Variants in SYTL2 observed in about 807,000 individuals in gnomAD.
SYTL2 encodes synaptotagmin-like protein 2.
SYTL2 carries 165 observed loss-of-function variants against 198.7 expected under a neutral mutation model. The ratio of observed to expected loss-of-function variants is 0.83; its 90% CI spans 0.73 to 0.94. The LOEUF is 0.94. Among genes scored for constraint, SYTL2 ranks in the 40% least tolerant of loss-of-function variants. The probability of loss-of-function intolerance (pLI) is 0.00; values close to 1 mark genes in which losing one functional copy is unlikely to be tolerated. For missense variants in SYTL2, 2,835 were observed against 2,582.8 expected, an observed-to-expected ratio of 1.10 and a Z score of -2.12; for synonymous variants, 966 against 917.7, an observed-to-expected ratio of 1.05 and a Z score of -0.95.
the SYTL2 span, among the ~76,000 whole-genome samples, chr11:85,832,677 C>A: frequency 6.6e-6 from 1 of 151,984 alleles, no homozygotes; most frequent in Non-Finnish European, 1.5e-5. Flanking sequence ...CAAGCTGAGA[C>A]CAGACAAATG....
chr11:85,743,890 C>T (rs1277388207), intron 4 of SYTL2, among the ~76,000 whole-genome samples: 1 of 152,036 alleles, frequency 6.6e-6, no homozygotes, highest in Non-Finnish European at 1.5e-5. Flanking sequence ...GGCACCTGCT[C>T]CCTCCTCCCT....
rs781706003 is a variant in SYTL2, at chr11:85,725,587, G to C, written c.3771C>G (p.His1257Gln). The C allele has an allele frequency of 4.3e-6, 7 of 1,613,934 alleles. No homozygotes were observed. In the African/African-American group the frequency reaches 6.7e-5, roughly 15 times the overall value. The part of the protein sequence containing the change: ...RFFGKGIEQS[H>Q]NTSADKREIL... ...TTTCTCTCTTATCAGCTGAAGTATT[G>C]TGACTCTGTTCTATCCCTTTTCCAA... Residue 1257 changes from histidine to glutamine, a missense_variant, in exon 8 of 20, where the codon CAC (histidine) becomes CAG (glutamine). Physicochemically the swap from His to Gln is conservative, Grantham distance 24. Transcript: ENST00000359152.
chr11:85,747,208 A>G (rs574915017), intron 3 of SYTL2, among the ~76,000 whole-genome samples: 3 of 152,070 alleles, frequency 2.0e-5, no homozygotes, highest in African/African-American at 7.2e-5. Context: ...TAATCGCAGC[A>G]CTTTGGGAGG....
At chr11:85,801,467 G>A (rs563552591) in intron 1 of SYTL2, among the ~76,000 whole-genome samples, 7 of 152,208 alleles carry the variant, frequency 4.6e-5, no homozygotes, top group Admixed American at 4.6e-4. Context: ...AACACATTAT[G>A]TACTCTCCTA....
chr11:85,720,165 GT>G (rs1288515567), intron 9 of SYTL2, among the ~76,000 whole-genome samples: 1 of 152,168 alleles, frequency 6.6e-6, no homozygotes, highest in East Asian at 1.9e-4. Flanking sequence ...ATGTTAAGTA[GT>G]TTTGGGCTTA....
At chr11:85,817,061 C>T in the SYTL2 span, among the ~76,000 whole-genome samples, 1 of 152,150 alleles carries the variant, frequency 6.6e-6, no homozygotes, top group Non-Finnish European at 1.5e-5. Flanking sequence ...TCTGCACCTA[C>T]TGCAGAAGAG....
intron 13 of SYTL2, among the ~76,000 whole-genome samples, chr11:85,710,302 T>C (rs1277642309): frequency 6.6e-6 from 1 of 152,056 alleles, no homozygotes; most frequent in African/African-American, 2.4e-5. Context: ...GGGTAGAAAA[T>C]GGATGATTGA....
chr11:85,736,468 TA>T, intron 6 of SYTL2, 32 bp downstream of exon 6: 3 of 1,170,690 alleles, frequency 2.6e-6, no homozygotes, highest in Non-Finnish European at 2.5e-6. Flanking sequence ...ATAACAAAGA[TA>T]AAAAAATCAA....
At chr11:85,849,920 C>A in the SYTL2 span, among the ~76,000 whole-genome samples, 11 of 144,432 alleles carry the variant, frequency 7.6e-5, no homozygotes, top group African/African-American at 2.5e-4. Context: ...TACCCATGAG[C>A]ATGGAATGTT....
In SYTL2 at chr11:85,726,695, G is replaced by C; in HGVS notation, c.2663C>G (p.Ser888Cys). The C allele has an allele frequency of 1.3e-6, 2 of 1,536,310 alleles. No homozygotes were observed. Among genetic ancestry groups the C allele is most frequent in the Non-Finnish European group, 1.7e-6 (2 of 1,146,944 alleles). ...KETKPQIAGP[S>C]RYYLSAEQSD... ...TTGCTCAGCTGAAAGATAGTATCTG[G>C]ATGGACCTGCTATTTGTGGCTTGGT... The change falls in exon 8 of 20, where the codon TCC becomes TGC. Residue 888 changes from serine to cysteine, a missense_variant. Around this residue, in one of 3 missense-constraint regions of SYTL2, gnomAD observed 2,645 missense variants for 2,381.7 expected, o/e 1.11. Coordinates refer to ENST00000359152, the MANE Select transcript of SYTL2 (RefSeq NM_206927.4).
At chr11:85,754,203 T>C (rs1178469513) in intron 2 of SYTL2, among the ~76,000 whole-genome samples, 1 of 152,196 alleles carries the variant, frequency 6.6e-6, no homozygotes, top group African/African-American at 2.4e-5. Flanking sequence ...AATTTGCAAC[T>C]GATAATCCAT....
intron 1 of SYTL2, among the ~76,000 whole-genome samples, chr11:85,768,645 C>T (rs1190151178): frequency 1.3e-5 from 2 of 152,188 alleles, no homozygotes; most frequent in African/African-American, 4.8e-5. Flanking sequence ...TAGACTGTTT[C>T]CTATCCTCTA....
chr11:85,806,927 C>T (rs1266389841), intron 1 of SYTL2, among the ~76,000 whole-genome samples: 1 of 152,230 alleles, frequency 6.6e-6, no homozygotes, highest in Non-Finnish European at 1.5e-5. Context: ...AAGTTGAAAC[C>T]AAGCCACCTG....
At position 85,762,600 on chromosome 11, in the gene SYTL2, G is replaced by C. The variant is rs1295459817; in HGVS notation, c.-389-4486C>G. On this transcript the variant is annotated intron_variant, in intron 1 of 19. Coordinates refer to ENST00000359152, the MANE Select transcript of SYTL2 (RefSeq NM_206927.4). ...TTTACTCTCCAAGCTCTTTTCCTTA[G>C]GCTCCAGCCATTCTGAAATTTTCCA... is the stretch of plus-strand genomic sequence containing the variant. 2.0e-5 allele frequency among the ~76,000 whole-genome samples: 3 copies of C among 152,160 alleles called. No individual in the cohort carries two copies. The East Asian group carries it at 5.8e-4, about 29-fold the overall frequency.
intron 5 of SYTL2, among the ~76,000 whole-genome samples, chr11:85,737,089 CATT>C (rs1308119217): frequency 6.6e-6 from 1 of 152,118 alleles, no homozygotes; most frequent in African/African-American, 2.4e-5. Context: ...GCTTCATAGT[CATT>C]ATTATTATCA....
the SYTL2 span, among the ~76,000 whole-genome samples, chr11:85,828,034 C>A: frequency 6.6e-6 from 1 of 152,138 alleles, no homozygotes; most frequent in South Asian, 2.1e-4. Context: ...AGGTCTTCAA[C>A]CTCACTACTA....
intron 6 of SYTL2, among the ~76,000 whole-genome samples, chr11:85,736,044 A>G (rs1236849337): frequency 2.0e-5 from 3 of 152,246 alleles, no homozygotes; most frequent in Non-Finnish European, 2.9e-5. Context: ...ACTTACATCA[A>G]TTGAGCCACA....
chr11:85,718,944 T>A lies in SYTL2; in HGVS notation c.5429-101A>T, dbSNP rs183100374. 4.4e-5 allele frequency: 68 copies of A among 1,552,470 alleles called. No individual in the cohort carries two copies. The East Asian group carries it at 7.7e-4, about 18-fold the overall frequency. On this transcript the variant is annotated intron_variant, in intron 9 of 19. Coordinates refer to ENST00000359152, the MANE Select transcript of SYTL2 (RefSeq NM_206927.4). ...AGCCCCCGGAGTTGGAAGCAATTAG[T>A]CAAGATGCAATGAGGGGTGCAACCA...
intron 1 of SYTL2, among the ~76,000 whole-genome samples, chr11:85,772,167 TG>T (rs1252547799): frequency 7.9e-5 from 12 of 152,318 alleles, no homozygotes; most frequent in Non-Finnish European, 1.6e-4. Flanking sequence ...CCCAAAGTGC[TG>T]GGATTACAGG....
Sources: gnomAD v4.1 joint callset for allele counts (sites outside exome capture counted in the v4.1 genomes callset) on GRCh38, gnomAD v4.1.1 for gene constraint, gnomAD v4.1.1 regional missense constraint, MANE v1.5 for transcripts, NCBI Gene and HGNC (gene_info 2026-07-23, HGNC 2026-07-21) for gene names.